MAP7: variants seen among roughly 807,000 people sequenced by gnomAD.
MAP7 encodes the protein microtubule associated protein 7.
In MAP7, 52 loss-of-function variants were observed where a neutral mutation model predicts 94.8. The observed-to-expected ratio is 0.55, with a 90% CI of 0.44 to 0.69. The LOEUF (loss-of-function observed/expected upper bound fraction) is 0.69. MAP7 is among the 30% of genes least tolerant of loss of function. The probability of loss-of-function intolerance (pLI) is 0.00; values close to 1 mark genes in which losing one functional copy is unlikely to be tolerated. For synonymous variants in MAP7, 350 were observed against 357.0 expected (o/e 0.98, Z 0.22); for missense variants, 940 against 964.6 (o/e 0.97, Z 0.34).
At chr6:136,386,106 T>C (rs766452838) in intron 5 of MAP7, among the ~76,000 whole-genome samples, 4 of 152,200 alleles carry the variant, frequency 2.6e-5, no homozygotes, top group Non-Finnish European at 5.9e-5. Flanking sequence ...TGCTAGTCGA[T>C]GGCCAGCAGC....
At chr6:136,407,572 GTC>G (rs913325768) in intron 3 of MAP7, among the ~76,000 whole-genome samples, 9 of 152,292 alleles carry the variant, frequency 5.9e-5, no homozygotes, top group Admixed American at 1.3e-4. Context: ...TGAAATAAGA[GTC>G]TGCTAGATTT....
At chr6:136,485,841 C>T (rs1814553948) in intron 1 of MAP7, among the ~76,000 whole-genome samples, 1 of 152,142 alleles carries the variant, frequency 6.6e-6, no homozygotes, top group Admixed American at 6.5e-5. Context: ...GGATTACAGG[C>T]GTGAGCCACC....
rs970375375 is a variant in MAP7 at position 136,370,451 on chromosome 6, A to C, written c.876+2050T>G. Among the ~76,000 whole-genome samples the C allele has an allele frequency of 3.9e-5, 6 of 152,234 alleles. No individual in the cohort carries two copies. In the East Asian group the frequency reaches 1.2e-3, roughly 29 times the overall value. ...GAAAGAACAATCTCTAGAGATATCT[A>C]TATTCCCATGTTCATAGCAGCGTTA... is the stretch of plus-strand genomic sequence containing the variant. On this transcript the variant is annotated intron_variant, in intron 8 of 17. Transcript: ENST00000354570.
At chr6:136,539,422 G>C (rs537337521) in intron 1 of MAP7, among the ~76,000 whole-genome samples, 21 of 152,262 alleles carry the variant, frequency 1.4e-4, no homozygotes, top group African/African-American at 4.8e-4. Flanking sequence ...TTGAGCTTCA[G>C]ACCTCACAGC....
intron 1 of MAP7, among the ~76,000 whole-genome samples, chr6:136,447,427 T>C (rs1799675864): frequency 6.6e-6 from 1 of 152,234 alleles, no homozygotes; most frequent in South Asian, 2.1e-4. Flanking sequence ...CCATTTTATG[T>C]TCCAACTTTT....
At chr6:136,367,559 G>A (rs953904357) in intron 8 of MAP7, among the ~76,000 whole-genome samples, 11 of 152,152 alleles carry the variant, frequency 7.2e-5, no homozygotes, top group Non-Finnish European at 1.3e-4. Flanking sequence ...TTGATGGTCT[G>A]GGTTATCAGA....
chr6:136,388,777 T>C (rs1779872190), intron 4 of MAP7, among the ~76,000 whole-genome samples: 1 of 152,184 alleles, frequency 6.6e-6, no homozygotes, highest in Non-Finnish European at 1.5e-5. Flanking sequence ...GATGCTTTCA[T>C]GAACACACGT....
chr6:136,409,114 G>A (rs535062770), intron 3 of MAP7, among the ~76,000 whole-genome samples: 27 of 151,690 alleles, frequency 1.8e-4, no homozygotes, highest in African/African-American at 6.5e-4. Flanking sequence ...TTAATGCAAA[G>A]AAAAAAATTA....
chr6:136,502,520 T>C (rs1464485358), intron 1 of MAP7, among the ~76,000 whole-genome samples: 1 of 152,130 alleles, frequency 6.6e-6, no homozygotes, highest in Non-Finnish European at 1.5e-5. Flanking sequence ...AAAGCATAAG[T>C]AGTGGAGTGG....
chr6:136,434,112 C>T (rs1795699466), intron 1 of MAP7, among the ~76,000 whole-genome samples: 1 of 152,026 alleles, frequency 6.6e-6, no homozygotes. Flanking sequence ...TCGAGACCAG[C>T]CTGGCCAACA....
At chr6:136,515,949 TA>T (rs1407722716) in intron 1 of MAP7, among the ~76,000 whole-genome samples, 1 of 152,036 alleles carries the variant, frequency 6.6e-6, no homozygotes, top group Non-Finnish European at 1.5e-5. Flanking sequence ...TGAAGCACAA[TA>T]AAAGAAAGTA....
chr6:136,504,308 C>A (rs1474567538), intron 1 of MAP7, among the ~76,000 whole-genome samples: 1 of 151,892 alleles, frequency 6.6e-6, no homozygotes, highest in African/African-American at 2.4e-5. Context: ...ACGAAATTAG[C>A]CATAATAATT....
intron 1 of MAP7, among the ~76,000 whole-genome samples, chr6:136,486,384 A>C (rs1178838071): frequency 1.3e-5 from 2 of 152,230 alleles, no homozygotes; most frequent in African/African-American, 2.4e-5. Flanking sequence ...GGAGAGTTGC[A>C]GGTGTGATAG....
chr6:136,445,065 T>C (rs1798924767), intron 1 of MAP7, among the ~76,000 whole-genome samples: 1 of 152,184 alleles, frequency 6.6e-6, no homozygotes, highest in Non-Finnish European at 1.5e-5. Context: ...GTGATTCCAC[T>C]ACTGACAATG....
intron 1 of MAP7, among the ~76,000 whole-genome samples, chr6:136,457,620 T>A (rs901320056): frequency 1.3e-5 from 2 of 152,104 alleles, no homozygotes; most frequent in Non-Finnish European, 2.9e-5. Context: ...ATGAGATTTA[T>A]CCCTGGGATG....
intron 16 of MAP7, 55 bp from the exon 17 acceptor site, chr6:136,346,134 A>G (rs1299115002): frequency 1.8e-6 from 2 of 1,118,490 alleles, no homozygotes; most frequent in Non-Finnish European, 2.6e-6. Context: ...ACTGGAAAAC[A>G]CATTATTAGG....
chr6:136,356,793 C>T lies in MAP7; in HGVS notation c.1914G>A (p.Glu638=). The stretch of plus-strand genomic sequence containing the variant: ...TTGTTGTACATGGAAGTGCAGACAC[C>T]TCTGGGCATAGTAAAGGAGACAGAA... ...IAKGALTGGT[E]VSALPCTTNA... Residue 638 remains glutamate (E), a splice_region_variant and synonymous_variant, in exon 16 of 18, where the codon GAG becomes GAA. Transcript: ENST00000354570. 6.2e-7 allele frequency: 1 copy of T among 1,612,984 alleles called. No homozygotes were observed. The highest frequency in any genetic ancestry group is 1.1e-5 in the South Asian group (1 of 91,028).
At chr6:136,429,389 C>G (rs2128801032) in intron 1 of MAP7, among the ~76,000 whole-genome samples, 1 of 152,280 alleles carries the variant, frequency 6.6e-6, no homozygotes, top group Non-Finnish European at 1.5e-5. Context: ...AAGGGACACT[C>G]AAGCTGTTAC....
chr6:136,349,380 A>T (rs1272971437), intron 16 of MAP7, among the ~76,000 whole-genome samples: 1 of 152,076 alleles, frequency 6.6e-6, no homozygotes, highest in Non-Finnish European at 1.5e-5. Context: ...ATATATATTC[A>T]TATATTTCTT....
Sources: allele counts gnomAD v4.1 joint callset (sites outside exome capture counted in the v4.1 genomes callset), GRCh38; gene constraint gnomAD v4.1.1; transcripts MANE v1.5; gene names NCBI Gene and HGNC (gene_info 2026-07-23, HGNC 2026-07-21).